Variants in FBXL7 observed in about 807,000 individuals in gnomAD.
The protein encoded by FBXL7 is F-box and leucine rich repeat protein 7.
A neutral mutation model predicts 38.3 loss-of-function variants in FBXL7; 12 were observed. The observed-to-expected ratio is 0.31, with a 90% CI of 0.20 to 0.51. FBXL7 has a LOEUF of 0.51. Ranked by LOEUF, FBXL7 falls within the 20% of genes least tolerant of loss-of-function variation. FBXL7 has a pLI of 0.98. For missense variants in FBXL7, 567 were observed against 676.4 expected, an observed-to-expected ratio of 0.84 and a Z score of 1.79; for synonymous variants, 297 against 300.9, an observed-to-expected ratio of 0.99 and a Z score of 0.13.
intron 2 of FBXL7, among the ~76,000 whole-genome samples, chr5:15,925,485 A>G (rs944468730): frequency 2.6e-5 from 4 of 152,252 alleles, no homozygotes; most frequent in African/African-American, 7.2e-5. Context: ...TTGCAGCGAT[A>G]GAAAAAGGAG....
At chr5:15,552,503 TCAGTCTCATCCTGGCCATTTCAGAGA>T (rs1472693508) in intron 1 of FBXL7, among the ~76,000 whole-genome samples, 3 of 152,230 alleles carry the variant, frequency 2.0e-5, no homozygotes, top group African/African-American at 7.2e-5. Flanking sequence ...ACTCAAGATA[TCAGTCTCATCCTGGCCATTTCAGAGA>T]CAGTCTCATC....
intron 2 of FBXL7, among the ~76,000 whole-genome samples, chr5:15,643,467 A>G (rs556411818): frequency 6.6e-6 from 1 of 152,334 alleles, no homozygotes; most frequent in African/African-American, 2.4e-5. Context: ...TAGAAAGACC[A>G]CTTGACCCTG....
At chr5:15,863,372 T>G (rs970668695) in intron 2 of FBXL7, among the ~76,000 whole-genome samples, 2 of 152,214 alleles carry the variant, frequency 1.3e-5, no homozygotes, top group African/African-American at 4.8e-5. Context: ...AAAGTCTTTT[T>G]TCATGTGCTT....
chr5:15,585,470 C>A (rs117888194), intron 1 of FBXL7, among the ~76,000 whole-genome samples: 107 of 152,270 alleles, frequency 7.0e-4, no homozygotes, highest in African/African-American at 2.3e-3. Context: ...GAGAATGAAC[C>A]GTTCAAAATT....
At chr5:15,601,383 C>T (rs572104807) in intron 1 of FBXL7, among the ~76,000 whole-genome samples, 3 of 152,212 alleles carry the variant, frequency 2.0e-5, no homozygotes, top group Admixed American at 2.0e-4. Flanking sequence ...ACCCTTAGCC[C>T]GTGCAGCACT....
At chr5:15,633,648 T>C (rs949013005) in intron 2 of FBXL7, among the ~76,000 whole-genome samples, 4 of 151,782 alleles carry the variant, frequency 2.6e-5, no homozygotes, top group African/African-American at 9.7e-5. Flanking sequence ...TTCCTAAATG[T>C]CAGGTATTGT....
In FBXL7 at chr5:15,936,299, C is replaced by A; in HGVS notation, c.740-151C>A. On this transcript the variant is annotated intron_variant, in intron 3 of 3. Coordinates refer to ENST00000504595, the MANE Select transcript of FBXL7 (RefSeq NM_012304.5). This position sits in a 1 kb window ranked among gnomAD's most constrained non-coding sequence, Gnocchi z 6.0. ...GATAAATATGGGGAACCCATTCTTG[C>A]ATTTCCTCTCTATAGAGACCAAGAC... 2.4e-6 allele frequency: 2 copies of A among 824,514 alleles called. No homozygotes were observed. Among genetic ancestry groups the A allele is most frequent in the East Asian group, 2.7e-5 (1 of 37,020 alleles). 51.1% of individuals were successfully genotyped at this position (824,514 alleles called of 1,614,324 possible). A position where few individuals can be genotyped will look rare whatever the true frequency, so the allele number is the denominator to read the frequency against.
chr5:15,758,264 T>C (rs993621063), intron 2 of FBXL7, among the ~76,000 whole-genome samples: 1 of 151,970 alleles, frequency 6.6e-6, no homozygotes, highest in Non-Finnish European at 1.5e-5. Flanking sequence ...AGATATGATT[T>C]AATCTTTATA....
rs546210853 is a variant in FBXL7, at chr5:15,546,577, A to G, written c.37+45864A>G. 2.8e-3 allele frequency among the ~76,000 whole-genome samples: 423 copies of G among 151,962 alleles called. 2 individuals are homozygous for G. The highest frequency in any genetic ancestry group is 9.8e-3 in the African/African-American group (407 of 41,436). On this transcript the variant is annotated intron_variant, in intron 1 of 3. Coordinates refer to ENST00000504595, the MANE Select transcript of FBXL7 (RefSeq NM_012304.5). ...GCGAGACTCTGTCTCCAAAAAAAACAAAAATTAGCTGGGTGTGGTGGCAGG... is the reference window on the plus strand; with the variant it reads ...GCGAGACTCTGTCTCCAAAAAAAACGAAAATTAGCTGGGTGTGGTGGCAGG...
chr5:15,686,084 G>A (rs967690452), intron 2 of FBXL7, among the ~76,000 whole-genome samples: 1 of 151,952 alleles, frequency 6.6e-6, no homozygotes, highest in African/African-American at 2.4e-5. Flanking sequence ...TGGACTTCAG[G>A]GTCTATGCAC....
At chr5:15,557,170 C>G (rs1330713888) in intron 1 of FBXL7, among the ~76,000 whole-genome samples, 2 of 152,186 alleles carry the variant, frequency 1.3e-5, no homozygotes, top group East Asian at 3.9e-4. Flanking sequence ...CATCTCTTGA[C>G]CTCGTGATCC....
At chr5:15,537,749 TTGA>T (rs1315833092) in intron 1 of FBXL7, among the ~76,000 whole-genome samples, 1 of 152,130 alleles carries the variant, frequency 6.6e-6, no homozygotes, top group Admixed American at 6.5e-5. Context: ...CAAAAAGATG[TTGA>T]TTATTTCTCA....
intron 2 of FBXL7, among the ~76,000 whole-genome samples, chr5:15,816,873 A>T (rs1738029366): frequency 6.6e-6 from 1 of 152,244 alleles, no homozygotes. Flanking sequence ...TTTGTCAGAA[A>T]ATAAAATTCC....
intron 2 of FBXL7, among the ~76,000 whole-genome samples, chr5:15,694,108 C>T (rs1340014235): frequency 3.9e-5 from 6 of 152,134 alleles, no homozygotes; most frequent in Admixed American, 6.5e-5. Flanking sequence ...CAACCCTAGA[C>T]GCTGCTGTGG....
chr5:15,882,708 C>T (rs1740508765), intron 2 of FBXL7, among the ~76,000 whole-genome samples: 1 of 152,166 alleles, frequency 6.6e-6, no homozygotes, highest in Non-Finnish European at 1.5e-5. Flanking sequence ...TCTTCTCAAT[C>T]TCCTTTGGAA....
chr5:15,500,535 C>T lies in FBXL7; in HGVS notation c.-142C>T. ...CTCCCACTGGAGTGCGGGGACCTCT[C>T]CAGGCCGGAGGTCGGCCCCGGAGCT... On this transcript the variant is annotated 5_prime_UTR_variant, in exon 1 of 4. Transcript: ENST00000504595. The T allele has an allele frequency of 8.5e-7, 1 of 1,181,612 alleles. No individual in the cohort carries two copies. The highest frequency in any genetic ancestry group is 1.3e-6 in the Non-Finnish European group (1 of 787,838). 73.2% of individuals were successfully genotyped at this position (1,181,612 alleles called of 1,614,324 possible).
intron 1 of FBXL7, among the ~76,000 whole-genome samples, chr5:15,601,729 T>C (rs575070374): frequency 1.3e-5 from 2 of 152,232 alleles, no homozygotes; most frequent in East Asian, 3.9e-4. Flanking sequence ...TGCCATTCAA[T>C]GAAACTTGAA....
At position 15,664,324 on chromosome 5, in the gene FBXL7, T is replaced by G. The variant is rs577301370; in HGVS notation, c.127+48252T>G. ...CACATATATTGTAAACTCTACAATC[T>G]ATGTTACTCTGTTACCTAGACATAC... On this transcript the variant is annotated intron_variant, in intron 2 of 3. Coordinates refer to ENST00000504595, the MANE Select transcript of FBXL7 (RefSeq NM_012304.5). Among the ~76,000 whole-genome samples the G allele has an allele frequency of 1.5e-4, 23 of 152,324 alleles. No individual in the cohort carries two copies. In the South Asian group the frequency reaches 4.6e-3, roughly 30 times the overall value.
At chr5:15,533,976 GTC>G (rs1282875710) in intron 1 of FBXL7, among the ~76,000 whole-genome samples, 1 of 151,862 alleles carries the variant, frequency 6.6e-6, no homozygotes, top group Non-Finnish European at 1.5e-5. Flanking sequence ...TTATTATTAA[GTC>G]TGTTTATTAC....
Sources: gnomAD v4.1 joint callset for allele counts (sites outside exome capture counted in the v4.1 genomes callset) on GRCh38, gnomAD v4.1.1 for gene constraint, Gnocchi (gnomAD v3.1) non-coding constraint, MANE v1.5 for transcripts, NCBI Gene and HGNC (gene_info 2026-07-23, HGNC 2026-07-21) for gene names.